The following PLXNC1 variants were observed in gnomAD, a reference collection of about 807,000 sequenced individuals.
PLXNC1 encodes the protein plexin-C1.
In PLXNC1, 75 loss-of-function variants were observed where a neutral mutation model predicts 178.2. The observed-to-expected ratio is 0.42, with a 90% CI of 0.35 to 0.51. The LOEUF (loss-of-function observed/expected upper bound fraction) is 0.51. Among genes scored for constraint, PLXNC1 ranks in the 20% least tolerant of loss-of-function variants. The pLI is 0.02. For missense variants in PLXNC1, 1,503 were observed against 1,984.4 expected, an observed-to-expected ratio of 0.76 and a Z score of 4.61; for synonymous variants, 790 against 779.9, an observed-to-expected ratio of 1.01 and a Z score of -0.22.
At chr12:94,178,336 A>T (rs1272532543) in intron 2 of PLXNC1, among the ~76,000 whole-genome samples, 1 of 152,214 alleles carries the variant, frequency 6.6e-6, no homozygotes, top group Non-Finnish European at 1.5e-5. Flanking sequence ...ATTGGCAAGA[A>T]TACATTATGG....
intron 6 of PLXNC1, among the ~76,000 whole-genome samples, chr12:94,222,522 A>G (rs1963824472): frequency 6.6e-6 from 1 of 152,156 alleles, no homozygotes; most frequent in Non-Finnish European, 1.5e-5. Flanking sequence ...TTGGTCCTCC[A>G]TGCACACCCC....
intron 23 of PLXNC1, among the ~76,000 whole-genome samples, chr12:94,289,174 G>T (rs143277609): frequency 6.6e-6 from 1 of 151,992 alleles, no homozygotes; most frequent in Non-Finnish European, 1.5e-5. Context: ...ACCTTCACTT[G>T]CAAGTGGTTT....
intron 11 of PLXNC1, among the ~76,000 whole-genome samples, 193 bp downstream of exon 11, chr12:94,240,857 A>G (rs1023458443): frequency 1.3e-5 from 2 of 152,228 alleles, no homozygotes; most frequent in African/African-American, 4.8e-5. Flanking sequence ...CGTGAATGCT[A>G]TGAGCACACC....
chr12:94,200,122 A>G (rs1963066314), intron 4 of PLXNC1, among the ~76,000 whole-genome samples: 1 of 152,148 alleles, frequency 6.6e-6, no homozygotes, highest in African/African-American at 2.4e-5. Flanking sequence ...TGGAGCTAGT[A>G]ACTGACGTTC....
At chr12:94,244,160 T>C (rs567447539) in intron 12 of PLXNC1, 135 bp downstream of exon 12, 169 of 495,446 alleles carry the variant, frequency 3.4e-4, no homozygotes, top group Admixed American at 6.7e-4. Flanking sequence ...TATCATATAT[T>C]CTATCCATGC....
At chr12:94,300,240 G>C (rs1162291784) in intron 27 of PLXNC1, among the ~76,000 whole-genome samples, 3 of 152,172 alleles carry the variant, frequency 2.0e-5, no homozygotes, top group South Asian at 2.1e-4. Flanking sequence ...GGAGAAAGTA[G>C]GAAAGGAGGC....
At chr12:94,276,330 C>T (rs1166155373) in intron 21 of PLXNC1, among the ~76,000 whole-genome samples, 1 of 152,136 alleles carries the variant, frequency 6.6e-6, no homozygotes, top group African/African-American at 2.4e-5. Flanking sequence ...CCAACAAGAT[C>T]GTAGGTGGTG....
chr12:94,240,603 T>A lies in PLXNC1; in HGVS notation c.2239T>A (p.Ser747Thr), dbSNP rs552558049. 2.1e-5 allele frequency: 34 copies of A among 1,614,030 alleles called. No homozygotes were observed. In the Admixed American group the frequency reaches 2.8e-4, roughly 13 times the overall value. ...FDGGNCSSVG[S>T]LSYIALPHCS... is the part of the protein sequence containing the mutation. ...TGGTGGGAACTGCTCTTCTGTGGGA[T>A]CCTTATCCTACATTGCTCTGCCACA... is the stretch of plus-strand genomic sequence containing the variant. The change falls in exon 11 of 31, where the codon TCC becomes ACC. Residue 747 changes from serine (S) to threonine (T), a missense_variant. Physicochemically the swap from Ser to Thr is moderately conservative, Grantham distance 58. Transcript: ENST00000258526.
chr12:94,170,229 C>G (rs909624829), intron 2 of PLXNC1, among the ~76,000 whole-genome samples: 3 of 152,148 alleles, frequency 2.0e-5, no homozygotes, highest in Non-Finnish European at 4.4e-5. Flanking sequence ...CCTCTCTGAG[C>G]CTTCATTTCC....
chr12:94,239,844 C>T (rs1964335478), intron 10 of PLXNC1, among the ~76,000 whole-genome samples: 1 of 152,202 alleles, frequency 6.6e-6, no homozygotes, highest in Non-Finnish European at 1.5e-5. Context: ...TTTAGGCCCC[C>T]TTTGAACAGC....
chr12:94,296,505 C>T (rs1967932937), intron 24 of PLXNC1, among the ~76,000 whole-genome samples: 1 of 152,176 alleles, frequency 6.6e-6, no homozygotes, highest in African/African-American at 2.4e-5. Flanking sequence ...CCTCTCTTCC[C>T]TCCATTTACC....
chr12:94,210,158 A>G (rs995458710), intron 5 of PLXNC1, among the ~76,000 whole-genome samples: 1 of 152,214 alleles, frequency 6.6e-6, no homozygotes, highest in African/African-American at 2.4e-5. Context: ...TAACCATCTT[A>G]TGAACATAGC....
chr12:94,209,906 C>A (rs1963415117), intron 5 of PLXNC1, among the ~76,000 whole-genome samples: 1 of 152,130 alleles, frequency 6.6e-6, no homozygotes. Context: ...ACAGCGGTAA[C>A]CAAGTCACAT....
At chr12:94,263,447 G>T (rs561767896) in intron 20 of PLXNC1, among the ~76,000 whole-genome samples, 3 of 152,254 alleles carry the variant, frequency 2.0e-5, no homozygotes, top group African/African-American at 7.2e-5. Flanking sequence ...CTGACCACAG[G>T]CCTCCTGAGT....
intron 23 of PLXNC1, among the ~76,000 whole-genome samples, chr12:94,287,359 C>G (rs1458239091): frequency 6.6e-6 from 1 of 152,200 alleles, no homozygotes; most frequent in Non-Finnish European, 1.5e-5. Flanking sequence ...GGCATGTGCA[C>G]CTGCATGTTC....
Position 94,300,977 on chromosome 12 carries a change from C to G in PLXNC1, c.4306C>G (p.Pro1436Ala). The G allele has an allele frequency of 1.9e-6, 3 of 1,613,674 alleles. No individual in the cohort carries two copies. Among genetic ancestry groups the G allele is most frequent in the Non-Finnish European group, 2.5e-6 (3 of 1,179,640 alleles). Residue 1436 changes from proline to alanine, a missense_variant, in exon 28 of 31, where the codon CCA becomes GCA. This residue lies in a region of PLXNC1 where 639 missense variants were observed against 979.7 expected (regional missense o/e 0.65). Coordinates refer to ENST00000258526, the MANE Select transcript of PLXNC1 (RefSeq NM_005761.3). ...PQFVFDIKKTPHIDGCLSVIA... is the reference protein window; with the variant it reads ...PQFVFDIKKTAHIDGCLSVIA... The stretch of plus-strand genomic sequence containing the variant: ...GTTTGTCTTTGACATTAAGAAGACA[C>G]CACATATAGACGGCTGTTTGTCAGT...
In PLXNC1 at chr12:94,251,445, A is replaced by G. The variant is rs745457925; in HGVS notation, c.2798A>G (p.Glu933Gly). 6.2e-7 allele frequency: 1 copy of G among 1,611,656 alleles called. No homozygotes were observed. Among genetic ancestry groups the G allele is most frequent in the Non-Finnish European group, 8.5e-7 (1 of 1,177,704 alleles). ...CATCAGGTCAAGCTGGGAAACCTGGAGCTCTACGTCGAGCAGGAGTCAGTT... is the reference window on the plus strand; with the variant it reads ...CATCAGGTCAAGCTGGGAAACCTGGGGCTCTACGTCGAGCAGGAGTCAGTT... ...KKVRVKLGNL[E>G]LYVEQESVPS... The change falls in exon 15 of 31, where the codon GAG becomes GGG. Residue 933 changes from glutamate (E) to glycine (G), a missense_variant. Glu to Gly is a moderately conservative substitution (Grantham distance 98). This residue lies in a region of PLXNC1 where 639 missense variants were observed against 979.7 expected (regional missense o/e 0.65). Transcript: ENST00000258526.
intron 21 of PLXNC1, among the ~76,000 whole-genome samples, chr12:94,274,819 CTG>C (rs1163591046): frequency 3.9e-5 from 6 of 152,220 alleles, no homozygotes; most frequent in Non-Finnish European, 1.5e-5. Context: ...TTTAACCTCT[CTG>C]TGCCTCAGTT....
intron 9 of PLXNC1, among the ~76,000 whole-genome samples, chr12:94,237,077 T>C (rs1964263174): frequency 6.6e-6 from 1 of 152,332 alleles, no homozygotes; most frequent in East Asian, 1.9e-4. Flanking sequence ...TTGTGGTATC[T>C]ACAAACCTTG....
Sources: allele counts gnomAD v4.1 joint callset (sites outside exome capture counted in the v4.1 genomes callset), GRCh38; gene constraint gnomAD v4.1.1; regional missense constraint gnomAD v4.1.1; transcripts MANE v1.5; gene names NCBI Gene and HGNC (gene_info 2026-07-23, HGNC 2026-07-21).